The following TTN variants were observed in gnomAD, a reference collection of about 807,000 sequenced individuals.
TTN encodes the protein connectin.
TTN carries 1,525 observed loss-of-function variants against 3,223.0 expected under a neutral mutation model. That is an observed-to-expected ratio of 0.47 (90% CI 0.45 to 0.49). TTN has a LOEUF of 0.49. Among genes scored for constraint, TTN ranks in the 20% least tolerant of loss-of-function variants. The probability of loss-of-function intolerance (pLI) is 0.00; values close to 1 mark genes in which losing one functional copy is unlikely to be tolerated. For missense variants in TTN, 40,786 were observed against 43,424.0 expected (o/e 0.94, Z 5.40); for synonymous variants, 14,094 against 15,161.0 (o/e 0.93, Z 5.17).
In TTN at chr2:178,554,016, T is replaced by C; in HGVS notation, c.89095A>G (p.Thr29699Ala). 1 of 1,613,664 alleles carries C rather than the reference T, an allele frequency of 6.2e-7. No individual in the cohort carries two copies. Among genetic ancestry groups the C allele is most frequent in the Non-Finnish European group, 8.5e-7 (1 of 1,179,794 alleles). ...RDTRQKVTGL[T>A]ENSDYQYRVC... Reference sequence around the variant, plus strand: ...CTGTATTGATAGTCACTGTTTTCTGTGAGTCCTGTTACTTTTTGTCTGGTG... The same window carrying C: ...CTGTATTGATAGTCACTGTTTTCTGCGAGTCCTGTTACTTTTTGTCTGGTG... The change falls in exon 333 of 363, where the codon ACA becomes GCA. Residue 29699 changes from threonine (T) to alanine (A), a missense_variant. Transcript: ENST00000589042.
intron 46 of TTN, 82 bp from the exon 47 acceptor site, chr2:178,753,262 A>T: frequency 8.6e-7 from 1 of 1,162,398 alleles, no homozygotes. Flanking sequence ...GTATGATTAA[A>T]GTTTTCTTTT....
Position 178,533,137 on chromosome 2 carries a change from A to T in TTN, c.103478T>A (p.Val34493Glu). 6.2e-7 allele frequency: 1 copy of T among 1,613,952 alleles called. No individual in the cohort carries two copies. The highest frequency in any genetic ancestry group is 8.5e-7 in the Non-Finnish European group (1 of 1,179,858). ...MAEILSGTES[V>E]PLTQVAKEAL... The stretch of plus-strand genomic sequence containing the variant: ...CTCTTTAGCTACCTGTGTCAGTGGT[A>T]CACTTTCAGTTCCAGAAAGAATTTC... The change falls in exon 358 of 363, where the codon GTA becomes GAA. Residue 34493 changes from valine to glutamate, a missense_variant. Physicochemically the swap from Val to Glu is moderately radical, Grantham distance 121 (BLOSUM62 -2). Transcript: ENST00000589042.
At chr2:178,748,127 C>A (rs765519389) in intron 47 of TTN, 2 of 1,613,164 alleles carry the variant, frequency 1.2e-6, no homozygotes, top group East Asian at 4.5e-5. Flanking sequence ...ACTTCTGCCT[C>A]CATTTTCTAG....
rs749706106 is a variant in TTN at position 178,630,870 on chromosome 2, G to A, written c.44088C>T (p.Thr14696=). Residue 14696 remains threonine (T), a synonymous_variant, in exon 238 of 363, where the codon ACC becomes ACT. Coordinates refer to ENST00000589042, the MANE Select transcript of TTN (RefSeq NM_001267550.2). ...CGTGGATATCATCTTCAGAGATTTC[G>A]GTTTCAAAGCGTGCTGTCTCAGTCT... ...VMETETARFE[T]EISEDDIHAN... The A allele has an allele frequency of 8.7e-6, 14 of 1,613,290 alleles. No homozygotes were observed. The highest frequency in any genetic ancestry group is 1.1e-5 in the Non-Finnish European group (13 of 1,179,502).
In TTN at chr2:178,546,330, A is replaced by G; in HGVS notation, c.95001T>C (p.Thr31667=). 1.2e-6 allele frequency: 2 copies of G among 1,613,868 alleles called. No individual in the cohort carries two copies. The highest frequency in any genetic ancestry group is 1.7e-6 in the Non-Finnish European group (2 of 1,179,790). The stretch of plus-strand genomic sequence containing the variant: ...TGATCACAGCAGTTGCTCGTTTGCC[A>G]GTATACTGCAAAGAGACTTTTTCAC... ...DLCEKVSLQY[T]GKRATAVIKF... is the part of the protein sequence containing the mutation. Residue 31667 remains threonine, a synonymous_variant, in exon 342 of 363, where the codon ACT becomes ACC. Coordinates refer to ENST00000589042, the MANE Select transcript of TTN (RefSeq NM_001267550.2).
In TTN at chr2:178,553,343, C is replaced by T. The variant is rs1337052263; in HGVS notation, c.89557G>A (p.Ala29853Thr). The stretch of plus-strand genomic sequence containing the variant: ...ATCAACACTTGTACATCTTCACCAG[C>T]TTTGGCAATAACAGAAGTTCTGAGA... ...VALRTSVIAK[A>T]GEDVQVLIPF... Residue 29853 changes from alanine to threonine, a missense_variant, in exon 335 of 363, where the codon GCT (alanine) becomes ACT (threonine). Physicochemically the swap from Ala to Thr is moderately conservative, Grantham distance 58. Transcript: ENST00000589042. The T allele has an allele frequency of 6.2e-7, 1 of 1,601,906 alleles. No homozygotes were observed. Among genetic ancestry groups the T allele is most frequent in the Non-Finnish European group, 8.5e-7 (1 of 1,176,566 alleles).
rs757298230 is a variant in TTN at position 178,730,521 on chromosome 2, C to T, written c.18012G>A (p.Gly6004=). The T allele has an allele frequency of 3.1e-6, 5 of 1,603,598 alleles. No homozygotes were observed. Among genetic ancestry groups the T allele is most frequent in the Admixed American group, 3.4e-5 (2 of 59,506 alleles). ...TNKAGHNQCS[G]HLTVKEPPYF... ...TTTGCCAACCTTTGACTGTCAGATG[C>T]CCACTGCATTGGTTGTGCCCTGCCT... The change falls in exon 61 of 363, where the codon GGG becomes GGA. Residue 6004 remains glycine (G), a synonymous_variant. Transcript: ENST00000589042.
chr2:178,701,278 C>A, intron 110 of TTN, 75 bp from the exon 111 acceptor site: 1 of 1,360,596 alleles, frequency 7.3e-7, no homozygotes, highest in Non-Finnish European at 1.0e-6. Flanking sequence ...AAGTCTCATG[C>A]ATTTCTTTCA....
At position 178,617,944 on chromosome 2, in the gene TTN, T is replaced by C. The variant is rs794729441; in HGVS notation, c.47407A>G (p.Ile15803Val). The C allele has an allele frequency of 2.5e-6, 4 of 1,612,704 alleles. No homozygotes were observed. The highest frequency in any genetic ancestry group is 4.5e-5 in the East Asian group (2 of 44,736). Residue 15803 changes from isoleucine to valine, a missense_variant, in exon 253 of 363, where the codon ATC (isoleucine) becomes GTC (valine). Transcript: ENST00000589042. ...YVIELRDKTS[I>V]RWDTAMTVRA... is the part of the protein sequence containing the mutation. ...ACAGTCATGGCAGTATCCCACCTGA[T>C]AGAAGTCTTGTCTCTTAATTCAATG... is the stretch of plus-strand genomic sequence containing the variant.
At chr2:178,618,548 C>T (rs1682396899) in intron 251 of TTN, 36 bp downstream of exon 251, 5 of 1,607,544 alleles carry the variant, frequency 3.1e-6, no homozygotes, top group Non-Finnish European at 4.2e-6. Flanking sequence ...TTAAATTGTG[C>T]TTTGCCAATT....
rs1166256527 is a variant in TTN at position 178,533,153 on chromosome 2, A to G, written c.103462T>C (p.Ser34488Pro). The G allele has an allele frequency of 6.2e-7, 1 of 1,613,958 alleles. No homozygotes were observed. Among genetic ancestry groups the G allele is most frequent in the South Asian group, 1.1e-5 (1 of 91,078 alleles). ...DKTLRMAEIL[S>P]GTESVPLTQV... is the part of the protein sequence containing the mutation. ...GTCAGTGGTACACTTTCAGTTCCAG[A>G]AAGAATTTCAGCCATTCTGAGGGTT... is the stretch of plus-strand genomic sequence containing the variant. The change falls in exon 358 of 363, where the codon TCT becomes CCT. Residue 34488 changes from serine (S) to proline (P), a missense_variant. Coordinates refer to ENST00000589042, the MANE Select transcript of TTN (RefSeq NM_001267550.2).
rs1243794346 is a variant in TTN at position 178,756,267 on chromosome 2, C to T, written c.11209G>A (p.Asp3737Asn). The T allele has an allele frequency of 6.2e-7, 1 of 1,613,778 alleles. No homozygotes were observed. The highest frequency in any genetic ancestry group is 1.7e-5 in the Admixed American group (1 of 60,024). The part of the protein sequence containing the change: ...QGLYSCIVHN[D>N]CGERTTSAVL... ...GCTGACGTTGTCCTCTCTCCACAGT[C>T]ATTGTGTACAATGCAGCTGTATAGT... The change falls in exon 46 of 363, where the codon GAC becomes AAC. Residue 3737 changes from aspartate to asparagine, a missense_variant. Physicochemically the swap from Asp to Asn is conservative, Grantham distance 23. Transcript: ENST00000589042.
At chr2:178,777,120 G>A (rs1462264632) in intron 27 of TTN, 29 bp downstream of exon 27, 1 of 1,613,834 alleles carries the variant, frequency 6.2e-7, no homozygotes, top group African/African-American at 1.3e-5. Context: ...TTTGTATAAT[G>A]AGCTTAGCTT....
At position 178,567,237 on chromosome 2, in the gene TTN, C is replaced by G; in HGVS notation, c.78895G>C (p.Val26299Leu). The change falls in exon 326 of 363, where the codon GTC (valine) becomes CTC (leucine). Residue 26299 changes from valine to leucine, a missense_variant. By Grantham distance (32) the Val-to-Leu change is conservative (BLOSUM62 1). Coordinates refer to ENST00000589042, the MANE Select transcript of TTN (RefSeq NM_001267550.2). ...PPEGPVQVTG[V>L]TSEKCSLTWS... ...GTTAAAGAGCATTTTTCAGAAGTGA[C>G]TCCAGTAACCTGGACTGGCCCTTCT... The G allele has an allele frequency of 6.2e-7, 1 of 1,607,456 alleles. No homozygotes were observed. The highest frequency in any genetic ancestry group is 1.7e-4 in the Middle Eastern group (1 of 6,010).
rs2050505204 is a variant in TTN, at chr2:178,592,768, T to A, written c.59344+7A>T. Reference sequence around the variant, plus strand: ...CTTGCAAACACAAGTGAGAGCATTTTACTCACCAAGCCTGTCTTTTACTAG... The same window carrying A: ...CTTGCAAACACAAGTGAGAGCATTTAACTCACCAAGCCTGTCTTTTACTAG... On this transcript the variant is annotated splice_region_variant and intron_variant, in intron 300 of 362. Transcript: ENST00000589042. The A allele has an allele frequency of 6.2e-7, 1 of 1,613,222 alleles. No homozygotes were observed. The highest frequency in any genetic ancestry group is 8.5e-7 in the Non-Finnish European group (1 of 1,179,560).
At position 178,735,879 on chromosome 2, in the gene TTN, T is replaced by C; in HGVS notation, c.14567A>G (p.Asn4856Ser). The C allele has an allele frequency of 6.2e-7, 1 of 1,613,860 alleles. No homozygotes were observed. The highest frequency in any genetic ancestry group is 2.2e-5 in the East Asian group (1 of 44,856). ...AENKHILELSNLTIQDRGVYS... is the reference protein window; with the variant it reads ...AENKHILELSSLTIQDRGVYS... ...AACTCCTCTATCTTGAATGGTAAGG[T>C]TTGAGAGTTCTAAAATGTGTTTGTT... Residue 4856 changes from asparagine to serine, a missense_variant, in exon 50 of 363, where the codon AAC becomes AGC. Asn to Ser is a conservative substitution (Grantham distance 46). Coordinates refer to ENST00000589042, the MANE Select transcript of TTN (RefSeq NM_001267550.2).
chr2:178,561,603 C>T lies in TTN; in HGVS notation c.84529G>A (p.Val28177Met). The change falls in exon 326 of 363, where the codon GTG (valine) becomes ATG (methionine). Residue 28177 changes from valine to methionine, a missense_variant. Transcript: ENST00000589042. The stretch of plus-strand genomic sequence containing the variant: ...CGACTTCCTCCATCATTAACTGGCA[C>T]TTGCCAGGTTACAAGCATGGTAGAT... ...TKSTMLVTWQVPVNDGGSRVI... is the reference protein window; with the variant it reads ...TKSTMLVTWQMPVNDGGSRVI... The T allele has an allele frequency of 6.2e-7, 1 of 1,613,120 alleles. No individual in the cohort carries two copies. The highest frequency in any genetic ancestry group is 8.5e-7 in the Non-Finnish European group (1 of 1,179,516).
chr2:178,791,663 A>ATGTGTGTG (rs58282760), intron 10 of TTN, among the ~76,000 whole-genome samples: 38,668 of 147,324 alleles, frequency 0.26, 6,171 homozygotes, highest in Middle Eastern at 0.37. Context: ...GTATGTGTAT[A>ATGTGTGTG]TGTGTGTGTG....
intron 189 of TTN, among the ~76,000 whole-genome samples, chr2:178,657,269 T>TG (rs1415747019): frequency 2.3e-4 from 4 of 17,582 alleles, no homozygotes; most frequent in African/African-American, 7.0e-4. Context: ...TGTTGTGAGG[T>TG]GGGGGGATGG....
Sources: gnomAD v4.1 joint callset for allele counts (sites outside exome capture counted in the v4.1 genomes callset) on GRCh38, gnomAD v4.1.1 for gene constraint, MANE v1.5 for transcripts, NCBI Gene and HGNC (gene_info 2026-07-23, HGNC 2026-07-21) for gene names.